Variants in SORBS2 observed in about 807,000 individuals in gnomAD.
SORBS2 encodes sorbin and SH3 domain-containing protein 2.
SORBS2 carries 46 observed loss-of-function variants against 97.7 expected under a neutral mutation model. That is an observed-to-expected ratio of 0.47 (90% confidence interval 0.37 to 0.60). The LOEUF (loss-of-function observed/expected upper bound fraction) is 0.60. Ranked by LOEUF, SORBS2 falls within the 20% of genes least tolerant of loss-of-function variation. The pLI, the probability that SORBS2 is intolerant of heterozygous loss-of-function variation, is 0.00. For missense variants in SORBS2, 1,316 were observed against 1,282.3 expected (o/e 1.03, Z -0.40); for synonymous variants, 476 against 473.4 (o/e 1.01, Z -0.07).
In SORBS2 at chr4:185,652,869, C is replaced by T. The variant is rs563112450; in HGVS notation, c.25-141G>A. On this transcript the variant is annotated intron_variant, in intron 1 of 14. Coordinates refer to ENST00000418609, the Ensembl canonical transcript of SORBS2. ...ATGTTCTGACTCTTTGCTATGGCTT[C>T]ATGACAGTTTCAGCAATTTACTTAG... The T allele has an allele frequency of 5.9e-5, 40 of 682,352 alleles. 1 individual carries two copies. In the South Asian group the frequency reaches 6.7e-4, roughly 11 times the overall value. The allele number at this position is 682,352 out of a possible 1,614,324, so 42.3% of individuals were successfully genotyped here. A position where few individuals can be genotyped will look rare whatever the true frequency, so the allele number is the denominator to read the frequency against.
intron 2 of SORBS2, chr4:185,774,008 T>G (rs1014112621): frequency 6.6e-6 from 1 of 152,210 alleles, no homozygotes; most frequent in East Asian, 1.9e-4. Context: ...TTTCTTCCCG[T>G]TTTTGTTACT....
rs192948100 is a variant in SORBS2, at chr4:185,792,613, T to C, written c.-337-17247A>G. Among the ~76,000 whole-genome samples, 475 of 151,852 alleles carry C rather than the reference T, an allele frequency of 3.1e-3. 1 individual carries two copies. The highest frequency in any genetic ancestry group is 5.8e-3 in the Non-Finnish European group (396 of 67,866). ...ATATGAACAAGCAAAGAGAAGAAAATAAATCTTCAGAAAAAAAATTGTTGA... is the reference window on the plus strand; with the variant it reads ...ATATGAACAAGCAAAGAGAAGAAAACAAATCTTCAGAAAAAAAATTGTTGA... On this transcript the variant is annotated intron_variant, in intron 1 of 20. Transcript: ENST00000284776.
upstream of SORBS2, chr4:185,657,459 C>A: frequency 6.4e-7 from 1 of 1,559,920 alleles, no homozygotes; most frequent in East Asian, 2.4e-5. Context: ...GATTCATCCA[C>A]GGGCCCGATC....
chr4:185,937,294 T>G (rs1211874970), intron 1 of SORBS2, among the ~76,000 whole-genome samples: 2 of 152,246 alleles, frequency 1.3e-5, no homozygotes, highest in Admixed American at 6.5e-5. Context: ...GTACTAGCAG[T>G]CTCACCGTGG....
At chr4:185,840,595 A>G (rs1339517773) in intron 1 of SORBS2, among the ~76,000 whole-genome samples, 1 of 152,164 alleles carries the variant, frequency 6.6e-6, no homozygotes, top group Non-Finnish European at 1.5e-5. Context: ...TCTTGGAAAA[A>G]AAAATACCAG....
intron 1 of SORBS2, among the ~76,000 whole-genome samples, chr4:185,898,176 C>G (rs1053086006): frequency 7.9e-5 from 12 of 152,222 alleles, no homozygotes; most frequent in African/African-American, 2.9e-4. Context: ...GATTGACATC[C>G]CATTACTGCC....
chr4:185,630,295 A>G (rs2096885735), intron 5 of SORBS2, among the ~76,000 whole-genome samples: 1 of 152,162 alleles, frequency 6.6e-6, no homozygotes, highest in Non-Finnish European at 1.5e-5. Flanking sequence ...AAAACTGGGT[A>G]TAGGGGACTA....
chr4:185,770,887 A>T (rs932224500), intron 2 of SORBS2: 3 of 151,880 alleles, frequency 2.0e-5, no homozygotes, highest in Admixed American at 6.6e-5. Context: ...TTAATGATTT[A>T]GAGAAATATT....
chr4:185,818,373 T>C (rs984154416), intron 1 of SORBS2, among the ~76,000 whole-genome samples: 1 of 152,064 alleles, frequency 6.6e-6, no homozygotes, highest in Non-Finnish European at 1.5e-5. Context: ...GTATTTTTAG[T>C]AGAAACGGAG....
At chr4:185,945,617 A>G (rs935340598) in intron 1 of SORBS2, among the ~76,000 whole-genome samples, 9 of 152,168 alleles carry the variant, frequency 5.9e-5, no homozygotes, top group African/African-American at 2.2e-4. Flanking sequence ...TGCCCTTTTC[A>G]TTTTAGAAAT....
intron 1 of SORBS2, among the ~76,000 whole-genome samples, chr4:185,824,958 T>C (rs1343737614): frequency 6.6e-6 from 1 of 152,184 alleles, no homozygotes; most frequent in African/African-American, 2.4e-5. Context: ...TCAGGGGGCT[T>C]CCAGGTTCTC....
intron 3 of SORBS2, among the ~76,000 whole-genome samples, chr4:185,648,049 T>A (rs1308615989): frequency 6.6e-6 from 1 of 152,214 alleles, no homozygotes; most frequent in Non-Finnish European, 1.5e-5. Context: ...ATGAGACCCC[T>A]TTCACACACG....
chr4:185,763,598 T>C (rs2098917063), intron 2 of SORBS2, among the ~76,000 whole-genome samples: 1 of 152,242 alleles, frequency 6.6e-6, no homozygotes, highest in Non-Finnish European at 1.5e-5. Flanking sequence ...TGGATCTGTC[T>C]TATGTCAATT....
intron 4 of SORBS2, among the ~76,000 whole-genome samples, chr4:185,671,620 G>A (rs1002568631): frequency 6.6e-6 from 1 of 152,242 alleles, no homozygotes; most frequent in African/African-American, 2.4e-5. Context: ...AAATTAAAAT[G>A]CTGGGAAGGA....
chr4:185,736,363 A>G (rs1234465588), intron 2 of SORBS2, among the ~76,000 whole-genome samples: 1 of 152,206 alleles, frequency 6.6e-6, no homozygotes. Context: ...GTTCTCATTT[A>G]AAAGTCTTGC....
chr4:185,793,195 G>A (rs1413677035), intron 1 of SORBS2, among the ~76,000 whole-genome samples: 1 of 152,192 alleles, frequency 6.6e-6, no homozygotes, highest in Non-Finnish European at 1.5e-5. Context: ...CCATTAAGCA[G>A]GTAAATCCAA....
chr4:185,600,293 G>A (rs909861545), intron 12 of SORBS2, among the ~76,000 whole-genome samples: 18 of 152,194 alleles, frequency 1.2e-4, no homozygotes, highest in African/African-American at 4.3e-4. Flanking sequence ...GAGGAAAGCT[G>A]GCATAGGGAA....
At chr4:185,722,195 G>A (rs1427584493) in intron 2 of SORBS2, among the ~76,000 whole-genome samples, 1 of 152,140 alleles carries the variant, frequency 6.6e-6, no homozygotes, top group East Asian at 1.9e-4. Flanking sequence ...TCACGTATAA[G>A]CTTTATCTAT....
At chr4:185,777,180 T>G (rs1219689127) in intron 1 of SORBS2, among the ~76,000 whole-genome samples, 1 of 152,248 alleles carries the variant, frequency 6.6e-6, no homozygotes, top group Non-Finnish European at 1.5e-5. Flanking sequence ...TTGAAATCTC[T>G]AATCTGAATT....
Sources: allele counts gnomAD v4.1 joint callset (sites outside exome capture counted in the v4.1 genomes callset), GRCh38; gene constraint gnomAD v4.1.1; transcripts MANE v1.5; gene names NCBI Gene and HGNC (gene_info 2026-07-23, HGNC 2026-07-21).